The following MYO6 variants were observed in gnomAD, a reference collection of about 807,000 sequenced individuals.
MYO6 encodes unconventional myosin-VI.
Under a neutral mutation model 178.7 loss-of-function variants are expected in MYO6, and 74 were observed. The observed-to-expected ratio is 0.41, with a 90% CI of 0.34 to 0.50. MYO6 has a LOEUF of 0.50. Among genes scored for constraint, MYO6 ranks in the 20% least tolerant of loss-of-function variants. MYO6 has a pLI of 0.09. For missense variants in MYO6, 1,330 were observed against 1,547.4 expected, an observed-to-expected ratio of 0.86 and a Z score of 2.36; for synonymous variants, 477 against 504.6, an observed-to-expected ratio of 0.95 and a Z score of 0.73.
chr6:75,905,650 C>T (rs1780252063), intron 30 of MYO6, among the ~76,000 whole-genome samples: 2 of 152,224 alleles, frequency 1.3e-5, no homozygotes, highest in Admixed American at 1.3e-4. Context: ...CCTGGTACCT[C>T]AGATGGAAAT....
chr6:75,765,013 A>G (rs989011729), intron 1 of MYO6, among the ~76,000 whole-genome samples: 1 of 151,650 alleles, frequency 6.6e-6, no homozygotes, highest in Non-Finnish European at 1.5e-5. Flanking sequence ...AAAAAAAAAA[A>G]AGAGAGAGAG....
intron 1 of MYO6, among the ~76,000 whole-genome samples, chr6:75,758,918 G>T (rs1777713471): frequency 1.3e-5 from 2 of 150,136 alleles, no homozygotes; most frequent in African/African-American, 4.9e-5. Flanking sequence ...TGCCCACGCT[G>T]GAGTGCAGTG....
chr6:75,785,473 CTTT>C (rs11325534), intron 1 of MYO6, among the ~76,000 whole-genome samples: 8 of 126,502 alleles, frequency 6.3e-5, no homozygotes, highest in Non-Finnish European at 8.2e-5. Flanking sequence ...CTTTTCTTTT[CTTT>C]TTTTTTTTTT....
chr6:75,828,710 C>T lies in MYO6; in HGVS notation c.261+97C>T, dbSNP rs796988498. 3.6e-5 allele frequency: 30 copies of T among 833,568 alleles called. No individual in the cohort carries two copies. The African/African-American group carries it at 3.8e-4, about 11-fold the overall frequency. The allele number at this position is 833,568 out of a possible 1,614,324, so 51.6% of individuals were successfully genotyped here. ...CGCTTGAAATTGTCTAACAGAAAATCATGCTTGATCTGAGCCTCTTGAATA... is the reference window on the plus strand; with the variant it reads ...CGCTTGAAATTGTCTAACAGAAAATTATGCTTGATCTGAGCCTCTTGAATA... On this transcript the variant is annotated intron_variant, in intron 4 of 34. Transcript: ENST00000369977.
At chr6:75,913,506 CTA>C (rs1323553478) in intron 33 of MYO6, among the ~76,000 whole-genome samples, 1 of 151,988 alleles carries the variant, frequency 6.6e-6, no homozygotes, top group Non-Finnish European at 1.5e-5. Context: ...TTGTTAATAT[CTA>C]TGTCATTGTG....
chr6:75,871,604 T>A (rs1026712185), intron 19 of MYO6, among the ~76,000 whole-genome samples: 2 of 152,212 alleles, frequency 1.3e-5, no homozygotes, highest in African/African-American at 4.8e-5. Context: ...ACATTTATTA[T>A]ATCAGTATTA....
chr6:75,881,587 C>T (rs1342300259), intron 22 of MYO6, 102 bp from the exon 23 acceptor site: 1 of 1,201,906 alleles, frequency 8.3e-7, no homozygotes, highest in African/African-American at 1.5e-5. Flanking sequence ...TGACCATTTT[C>T]AGACAGTTAG....
intron 1 of MYO6, among the ~76,000 whole-genome samples, chr6:75,807,312 C>T (rs1040753030): frequency 6.6e-6 from 1 of 152,068 alleles, no homozygotes; most frequent in African/African-American, 2.4e-5. Flanking sequence ...AGTGGTGTCT[C>T]TGTGTGTCTG....
At chr6:75,789,874 C>T (rs1768051528) in intron 1 of MYO6, among the ~76,000 whole-genome samples, 1 of 152,156 alleles carries the variant, frequency 6.6e-6, no homozygotes, top group South Asian at 2.1e-4. Flanking sequence ...ATTGAACAAC[C>T]TCTCCTGGTC....
At chr6:75,779,804 C>T (rs1482276850) in intron 1 of MYO6, among the ~76,000 whole-genome samples, 1 of 152,188 alleles carries the variant, frequency 6.6e-6, no homozygotes, top group Non-Finnish European at 1.5e-5. Context: ...GTTTACAGTG[C>T]TAAATGACTT....
intron 1 of MYO6, among the ~76,000 whole-genome samples, chr6:75,805,021 A>ATATATTTTTTTTTT (rs1252912172): frequency 1.7e-4 from 13 of 77,282 alleles, no homozygotes; most frequent in East Asian, 1.1e-3. Context: ...ATATATATAT[A>ATATATTTTTTTTTT]TTTTTTTTTT....
intron 33 of MYO6, among the ~76,000 whole-genome samples, chr6:75,912,075 A>G (rs537907577): frequency 6.6e-6 from 1 of 152,132 alleles, no homozygotes; most frequent in East Asian, 1.9e-4. Flanking sequence ...ATTTTCAAAC[A>G]CTGATGGTGT....
intron 1 of MYO6, among the ~76,000 whole-genome samples, chr6:75,784,344 G>A (rs1184543500): frequency 6.6e-6 from 1 of 151,664 alleles, no homozygotes; most frequent in Non-Finnish European, 1.5e-5. Flanking sequence ...GAATTGGGAG[G>A]GAAGTTTGAA....
At chr6:75,822,719 C>T in intron 2 of MYO6, 63 bp from the exon 3 acceptor site, 1 of 1,283,098 alleles carries the variant, frequency 7.8e-7, no homozygotes, top group Non-Finnish European at 1.1e-6. Context: ...ACCAATTAAG[C>T]CCTTCTATTG....
chr6:75,882,314 A>T (rs769961043), intron 23 of MYO6, among the ~76,000 whole-genome samples: 21 of 152,184 alleles, frequency 1.4e-4, no homozygotes, highest in Non-Finnish European at 3.1e-4. Flanking sequence ...CTTTTGCATA[A>T]TAATTCCATT....
At chr6:75,858,789 C>T in intron 13 of MYO6, 113 bp from the exon 14 acceptor site, 1 of 697,146 alleles carries the variant, frequency 1.4e-6, no homozygotes, top group South Asian at 1.7e-5. Flanking sequence ...ATATAATATA[C>T]AAATTTAACC....
chr6:75,901,011 T>A (rs1436908012), intron 30 of MYO6, among the ~76,000 whole-genome samples: 7 of 151,890 alleles, frequency 4.6e-5, no homozygotes, highest in Non-Finnish European at 1.0e-4. Flanking sequence ...CATTGCTTGT[T>A]TTTCTCAGGT....
At chr6:75,774,367 T>C (rs1278145105) in intron 1 of MYO6, among the ~76,000 whole-genome samples, 1 of 152,164 alleles carries the variant, frequency 6.6e-6, no homozygotes, top group African/African-American at 2.4e-5. Flanking sequence ...AAATAATTGA[T>C]AGACCCATAA....
At chr6:75,869,476 TG>T (rs1776964958) in intron 18 of MYO6, among the ~76,000 whole-genome samples, 1 of 152,176 alleles carries the variant, frequency 6.6e-6, no homozygotes, top group Non-Finnish European at 1.5e-5. Flanking sequence ...TAATAACTCC[TG>T]TGAAAAGCTT....
Sources: allele counts gnomAD v4.1 joint callset (sites outside exome capture counted in the v4.1 genomes callset), GRCh38; gene constraint gnomAD v4.1.1; transcripts MANE v1.5; gene names NCBI Gene and HGNC (gene_info 2026-07-23, HGNC 2026-07-21).